TAOK1: variants seen among roughly 807,000 people sequenced by gnomAD.
TAOK1 encodes the protein serine/threonine-protein kinase TAO1.
A neutral mutation model predicts 138.3 loss-of-function variants in TAOK1; 21 were observed. That is an observed-to-expected ratio of 0.15 (90% CI 0.11 to 0.22). The LOEUF (loss-of-function observed/expected upper bound fraction) is 0.22, where lower values mean the gene tolerates loss of function less well. Ranked by LOEUF, TAOK1 falls within the 10% of genes least tolerant of loss-of-function variation. The pLI is 1.00. For missense variants in TAOK1, 651 were observed against 1,227.7 expected (o/e 0.53, Z 7.02); for synonymous variants, 361 against 398.4 (o/e 0.91, Z 1.12).
At chr17:29,442,467 G>A (rs982207109) in intron 1 of TAOK1, among the ~76,000 whole-genome samples, 1 of 146,916 alleles carries the variant, frequency 6.8e-6, no homozygotes, top group Non-Finnish European at 1.5e-5. Context: ...GTGGCCATTT[G>A]TAACCTTATT....
intron 1 of TAOK1, among the ~76,000 whole-genome samples, chr17:29,409,333 A>ATATATATTTTTT (rs1348702470): frequency 5.1e-5 from 3 of 59,056 alleles, no homozygotes; most frequent in African/African-American, 2.0e-4. Flanking sequence ...ATATATATAT[A>ATATATATTTTTT]TTTTTTTTTT....
At chr17:29,490,180 G>T (rs2031269978) in intron 9 of TAOK1, among the ~76,000 whole-genome samples, 1 of 152,094 alleles carries the variant, frequency 6.6e-6, no homozygotes, top group African/African-American at 2.4e-5. Flanking sequence ...TAAGTAAAAT[G>T]ATTTGACTTT....
intron 1 of TAOK1, among the ~76,000 whole-genome samples, chr17:29,395,364 C>T (rs1904562457): frequency 6.6e-6 from 1 of 151,964 alleles, no homozygotes; most frequent in Non-Finnish European, 1.5e-5. Context: ...GACCCTGTCT[C>T]TACAAAAATA....
chr17:29,501,391 G>A (rs1001442494), intron 12 of TAOK1, among the ~76,000 whole-genome samples: 4 of 148,662 alleles, frequency 2.7e-5, no homozygotes, highest in African/African-American at 9.9e-5. Context: ...CCACTGCACT[G>A]CATTCTGGGC....
chr17:29,533,512 C>G (rs1202376708), intron 18 of TAOK1, among the ~76,000 whole-genome samples: 1 of 151,840 alleles, frequency 6.6e-6, no homozygotes, highest in South Asian at 2.1e-4. Flanking sequence ...GAGGTTGTAG[C>G]GAGCCGAGAT....
intron 14 of TAOK1, 128 bp downstream of exon 14, chr17:29,508,260 T>C: frequency 1.4e-6 from 1 of 738,516 alleles, no homozygotes; most frequent in Non-Finnish European, 2.3e-6. Context: ...AGGAGAAGCA[T>C]TTATGTGACT....
intron 1 of TAOK1, among the ~76,000 whole-genome samples, chr17:29,396,835 A>G (rs955077711): frequency 6.6e-6 from 1 of 151,810 alleles, no homozygotes; most frequent in African/African-American, 2.4e-5. Context: ...TACTAAAAAT[A>G]CAAAAAATTA....
chr17:29,398,529 CTTTTCTTTTCTT>C (rs1336561376), intron 1 of TAOK1, among the ~76,000 whole-genome samples: 2 of 146,134 alleles, frequency 1.4e-5, no homozygotes, highest in African/African-American at 2.6e-5. Flanking sequence ...TTTCTTTTCT[CTTTTCTTTTCTT>C]TTTTAGAGAT....
At chr17:29,519,562 A>G (rs2031880482) in intron 16 of TAOK1, among the ~76,000 whole-genome samples, 2 of 152,166 alleles carry the variant, frequency 1.3e-5, no homozygotes, top group Non-Finnish European at 2.9e-5. Flanking sequence ...TCTCATTATT[A>G]GGATACCTGT....
intron 2 of TAOK1, among the ~76,000 whole-genome samples, chr17:29,465,082 A>C (rs553697808): frequency 1.6e-3 from 244 of 148,908 alleles, no homozygotes; most frequent in African/African-American, 5.6e-3. Context: ...CGGCCTCCCA[A>C]AGTGCTGGGA....
In TAOK1 at chr17:29,455,291, A is replaced by G. The variant is rs1402194782; in HGVS notation, c.132+3611A>G. ...TTCCGTGTGAAATTGTTCATTGCTGATGTATAGAAACATAGCTGTTTTTTG... is the reference window on the plus strand; with the variant it reads ...TTCCGTGTGAAATTGTTCATTGCTGGTGTATAGAAACATAGCTGTTTTTTG... On this transcript the variant is annotated intron_variant, in intron 2 of 19. Transcript: ENST00000261716. Among the ~76,000 whole-genome samples the G allele has an allele frequency of 1.3e-5, 2 of 150,502 alleles. 1 individual carries two copies. The highest frequency in any genetic ancestry group is 5.0e-5 in the African/African-American group (2 of 39,824).
At chr17:29,412,370 A>G (rs1905167706) in intron 1 of TAOK1, among the ~76,000 whole-genome samples, 1 of 151,808 alleles carries the variant, frequency 6.6e-6, no homozygotes, top group Non-Finnish European at 1.5e-5. Context: ...ATTACTGCCC[A>G]GCACACTTTG....
At chr17:29,476,659 C>A (rs1840510106) in intron 4 of TAOK1, among the ~76,000 whole-genome samples, 1 of 152,030 alleles carries the variant, frequency 6.6e-6, no homozygotes, top group South Asian at 2.1e-4. Context: ...GACACCCACC[C>A]CCAGGATACC....
intron 15 of TAOK1, among the ~76,000 whole-genome samples, chr17:29,516,480 AC>A (rs1409663733): frequency 6.9e-6 from 1 of 144,284 alleles, no homozygotes; most frequent in Non-Finnish European, 1.5e-5. Flanking sequence ...GACTCCAGAC[AC>A]GTGCCACCAC....
chr17:29,523,056 C>T (rs1166871837), intron 17 of TAOK1, among the ~76,000 whole-genome samples: 1 of 135,252 alleles, frequency 7.4e-6, no homozygotes, highest in Non-Finnish European at 1.5e-5. Flanking sequence ...GCCCGGGTGA[C>T]AGAGCAAGAC....
intron 1 of TAOK1, among the ~76,000 whole-genome samples, chr17:29,398,498 G>A (rs1205835646): frequency 6.7e-6 from 1 of 149,034 alleles, no homozygotes; most frequent in Non-Finnish European, 1.5e-5. Flanking sequence ...GAACCACTGC[G>A]CCAGGCTTCT....
intron 1 of TAOK1, among the ~76,000 whole-genome samples, chr17:29,448,838 G>T (rs1015175335): frequency 6.6e-6 from 1 of 152,102 alleles, no homozygotes; most frequent in African/African-American, 2.4e-5. Flanking sequence ...CTGGAGAGAT[G>T]ATACAAAAAT....
rs1468824990 is a variant in TAOK1 at position 29,515,018 on chromosome 17, A to T, written c.1705-2435A>T. The T allele has an allele frequency of 2.0e-5, 3 of 151,698 alleles. No homozygotes were observed. The East Asian group carries it at 5.8e-4, about 29-fold the overall frequency. 9.4% of individuals were successfully genotyped at this position (151,698 alleles called of 1,614,324 possible). On this transcript the variant is annotated intron_variant, in intron 15 of 19. Coordinates refer to ENST00000261716, the MANE Select transcript of TAOK1 (RefSeq NM_020791.4). ...GATCTAAAAAAAAAAAAAAAAAAAA[A>T]AAAATTCTAGTTTGCTCCATTGAGT...
In TAOK1 at chr17:29,548,121, T is replaced by C. The variant is rs2032430890; in HGVS notation, c.*5099T>C. ...TTCCCTTTAAAGTCATGTTGACTAA[T>C]GTTTTCCTCCTTGTTTGTATTCAGA... On this transcript the variant is annotated 3_prime_UTR_variant, in exon 20 of 20. Transcript: ENST00000261716. 3 of 152,314 alleles carry C rather than the reference T, an allele frequency of 2.0e-5. No individual in the cohort carries two copies. Among genetic ancestry groups the C allele is most frequent in the South Asian group, 4.1e-4 (2 of 4,832 alleles). 9.4% of individuals were successfully genotyped at this position (152,314 alleles called of 1,614,324 possible).
Sources: allele counts gnomAD v4.1 joint callset (sites outside exome capture counted in the v4.1 genomes callset), GRCh38; gene constraint gnomAD v4.1.1; transcripts MANE v1.5; gene names NCBI Gene and HGNC (gene_info 2026-07-23, HGNC 2026-07-21).